OSBPL6: variants seen among roughly 807,000 people sequenced by gnomAD.
OSBPL6 encodes oxysterol-binding protein-related protein 6.
OSBPL6 carries 49 observed loss-of-function variants against 125.8 expected under a neutral mutation model. The ratio of observed to expected loss-of-function variants is 0.39; its 90% CI spans 0.31 to 0.49. OSBPL6 has a LOEUF of 0.49. OSBPL6 is among the 20% of genes least tolerant of loss of function. OSBPL6 has a pLI of 0.88. For synonymous variants in OSBPL6, 394 were observed against 391.8 expected (o/e 1.01, Z -0.07); for missense variants, 986 against 1,135.4 (o/e 0.87, Z 1.89).
chr2:178,197,847 A>G (rs983355466), intron 1 of OSBPL6, among the ~76,000 whole-genome samples: 37 of 152,242 alleles, frequency 2.4e-4, no homozygotes, highest in Non-Finnish European at 5.9e-5. Flanking sequence ...AAAAGAAAAT[A>G]AGGACAATAG....
intron 1 of OSBPL6, among the ~76,000 whole-genome samples, chr2:178,266,175 A>G (rs1190027647): frequency 2.0e-5 from 3 of 152,182 alleles, no homozygotes; most frequent in African/African-American, 7.2e-5. Context: ...GGCAGATCAC[A>G]CTGAGATTCA....
intron 2 of OSBPL6, among the ~76,000 whole-genome samples, chr2:178,286,679 G>A (rs894977692): frequency 5.3e-5 from 8 of 152,122 alleles, no homozygotes; most frequent in African/African-American, 1.9e-4. Context: ...GAGTTCAGTT[G>A]CCTGATCTGA....
intron 3 of OSBPL6, among the ~76,000 whole-genome samples, chr2:178,308,977 T>C (rs1687022967): frequency 1.3e-5 from 2 of 152,160 alleles, no homozygotes; most frequent in Admixed American, 6.5e-5. Flanking sequence ...AGTTTCTTAC[T>C]TGGAACCCCA....
chr2:178,282,498 G>A (rs553047635), intron 1 of OSBPL6, among the ~76,000 whole-genome samples: 1 of 152,286 alleles, frequency 6.6e-6, no homozygotes, highest in South Asian at 2.1e-4. Flanking sequence ...CAGAGGAACG[G>A]GGGTGAATGA....
chr2:178,194,951 T>TCC (rs2088778238), intron 1 of OSBPL6, among the ~76,000 whole-genome samples: 1 of 151,420 alleles, frequency 6.6e-6, no homozygotes, highest in African/African-American at 2.4e-5. Flanking sequence ...CCGCCCTCCC[T>TCC]CCCCCTCGTT....
intron 15 of OSBPL6, among the ~76,000 whole-genome samples, chr2:178,380,454 C>G (rs1447559896): frequency 2.1e-5 from 1 of 46,628 alleles, no homozygotes. Flanking sequence ...AAGAGTCTGT[C>G]TCAAAAAAAA....
At chr2:178,347,867 T>C (rs747731004) in intron 11 of OSBPL6, among the ~76,000 whole-genome samples, 3 of 152,188 alleles carry the variant, frequency 2.0e-5, no homozygotes, top group African/African-American at 4.8e-5. Context: ...AAATAACATA[T>C]ATTAGCATGC....
At chr2:178,348,752 T>C (rs1448545378) in intron 11 of OSBPL6, among the ~76,000 whole-genome samples, 1 of 152,226 alleles carries the variant, frequency 6.6e-6, no homozygotes, top group African/African-American at 2.4e-5. Flanking sequence ...GCCTGATTTG[T>C]TTTTTATTTA....
At chr2:178,368,665 A>G (rs1225221141) in intron 13 of OSBPL6, among the ~76,000 whole-genome samples, 1 of 152,036 alleles carries the variant, frequency 6.6e-6, no homozygotes, top group African/African-American at 2.4e-5. Flanking sequence ...ACTACAGGAG[A>G]TCTTTGGCTT....
intron 1 of OSBPL6, among the ~76,000 whole-genome samples, chr2:178,201,959 G>A (rs918902660): frequency 2.6e-5 from 4 of 152,176 alleles, no homozygotes; most frequent in African/African-American, 4.8e-5. Context: ...TAGAACTTTC[G>A]GGAATGGCAG....
intron 1 of OSBPL6, among the ~76,000 whole-genome samples, chr2:178,204,203 A>G (rs533684911): frequency 6.6e-6 from 1 of 151,870 alleles, no homozygotes; most frequent in Non-Finnish European, 1.5e-5. Flanking sequence ...TTTGCATTTT[A>G]GTAGAGAGGG....
chr2:178,239,592 TTTTATTTATTTATTTATTTA>T (rs80019586), intron 1 of OSBPL6, among the ~76,000 whole-genome samples: 75 of 138,744 alleles, frequency 5.4e-4, no homozygotes, highest in African/African-American at 1.2e-3. Flanking sequence ...ATGAACTTTA[TTTTATTTATTTATTTATTTA>T]TTTATTTATT....
chr2:178,200,974 T>G lies in OSBPL6; in HGVS notation c.-351+6300T>G, dbSNP rs559008517. ...CACGCCTGGCTAATTTTTTGTATTT[T>G]TAGTAGAGATGGGGTTTCACCGTGT... On this transcript the variant is annotated intron_variant, in intron 1 of 24. Coordinates refer to ENST00000190611, the MANE Select transcript of OSBPL6 (RefSeq NM_032523.4). 2.3e-4 allele frequency among the ~76,000 whole-genome samples: 35 copies of G among 152,168 alleles called. No individual in the cohort carries two copies. In the South Asian group the frequency reaches 2.7e-3, roughly 12 times the overall value.
intron 1 of OSBPL6, among the ~76,000 whole-genome samples, chr2:178,252,530 A>T (rs2091733254): frequency 2.0e-5 from 3 of 152,120 alleles, no homozygotes; most frequent in African/African-American, 7.3e-5. Flanking sequence ...ATTGGGTAAA[A>T]CAAAAAAAAT....
chr2:178,395,161 T>C (rs73034356), intron 24 of OSBPL6, among the ~76,000 whole-genome samples: 3,252 of 152,224 alleles, frequency 0.021, 107 homozygotes, highest in African/African-American at 0.073. Context: ...TTACAGTATT[T>C]GTATATGCTT....
chr2:178,337,475 CTCTT>C (rs1242620084), intron 9 of OSBPL6, among the ~76,000 whole-genome samples: 1 of 152,198 alleles, frequency 6.6e-6, no homozygotes, highest in African/African-American at 2.4e-5. Context: ...ATGATTTCCT[CTCTT>C]TCTTATTGTA....
At chr2:178,375,929 G>A (rs560331532) in intron 15 of OSBPL6, among the ~76,000 whole-genome samples, 40 of 152,208 alleles carry the variant, frequency 2.6e-4, no homozygotes, top group Non-Finnish European at 3.8e-4. Flanking sequence ...TATTGCATGA[G>A]TCCAAGCAAG....
chr2:178,273,019 G>C (rs537649354), intron 1 of OSBPL6, among the ~76,000 whole-genome samples: 1 of 152,324 alleles, frequency 6.6e-6, no homozygotes, highest in Non-Finnish European at 1.5e-5. Flanking sequence ...ACAGAGAATG[G>C]CTTCTTGTCA....
chr2:178,199,240 A>G (rs939719518), intron 1 of OSBPL6, among the ~76,000 whole-genome samples: 1 of 152,238 alleles, frequency 6.6e-6, no homozygotes. Flanking sequence ...ATGTGTCAGT[A>G]TCCAAAGGCA....
Sources: gnomAD v4.1 joint callset for allele counts (sites outside exome capture counted in the v4.1 genomes callset) on GRCh38, gnomAD v4.1.1 for gene constraint, MANE v1.5 for transcripts, NCBI Gene and HGNC (gene_info 2026-07-23, HGNC 2026-07-21) for gene names.